CFAP20DC: variants seen among roughly 807,000 people sequenced by gnomAD.
CFAP20DC encodes protein CFAP20DC.
Under a neutral mutation model 101.7 loss-of-function variants are expected in CFAP20DC, and 84 were observed. That is an observed-to-expected ratio of 0.83 (90% CI 0.69 to 0.99). The LOEUF is 0.99. Ranked by LOEUF, CFAP20DC falls within the 50% of genes least tolerant of loss-of-function variation. The probability of loss-of-function intolerance (pLI) is 0.00; values close to 1 mark genes in which losing one functional copy is unlikely to be tolerated. For synonymous variants in CFAP20DC, 359 were observed against 351.2 expected (o/e 1.02, Z -0.25); for missense variants, 1,007 against 970.3 (o/e 1.04, Z -0.50).
intron 14 of CFAP20DC, among the ~76,000 whole-genome samples, chr3:58,821,394 A>G (rs1263127110): frequency 6.6e-6 from 1 of 152,200 alleles, no homozygotes; most frequent in Non-Finnish European, 1.5e-5. Flanking sequence ...CAACCTACTC[A>G]TCTGACAAAG....
intron 4 of CFAP20DC, among the ~76,000 whole-genome samples, chr3:58,946,029 T>C (rs2089307559): frequency 1.3e-5 from 2 of 151,876 alleles, no homozygotes; most frequent in African/African-American, 4.8e-5. Context: ...ATATCTATTT[T>C]TTTCCTTTGG....
chr3:58,995,975 A>ATCTATCT (rs1553760740), intron 4 of CFAP20DC, among the ~76,000 whole-genome samples: 4 of 145,160 alleles, frequency 2.8e-5, no homozygotes, highest in Non-Finnish European at 4.5e-5. Flanking sequence ...CTGTATAATA[A>ATCTATCT]ATCTATCTAT....
At chr3:58,886,647 G>A (rs2108673659) in intron 6 of CFAP20DC, among the ~76,000 whole-genome samples, 1 of 152,148 alleles carries the variant, frequency 6.6e-6, no homozygotes, top group African/African-American at 2.4e-5. Context: ...GGGCGGTGGA[G>A]GCTGCAGTGA....
At chr3:58,963,190 TTGTGTGTGTGTGTGTGTGTGTGTG>T (rs56234919) in intron 4 of CFAP20DC, among the ~76,000 whole-genome samples, 2,422 of 118,308 alleles carry the variant, frequency 0.02, 68 homozygotes, top group African/African-American at 0.069. Context: ...GTTCAGTAGT[TTGTGTGTGTGTGTGTGTGTGTGTG>T]TGTGTGTGTG....
In CFAP20DC at chr3:59,001,393, C is replaced by CCTCTCTCCCTCTCTCCTTCT. The variant is rs1256092841; in HGVS notation, c.278+38144_278+38163dup. ...CTTTGAAACAGTCTCTCCCTCTCTC[C>CCTCTCTCCCTCTCTCCTTCT]CTCTCTCCCTCTCTCCTTCTCTCTC... On this transcript the variant is annotated intron_variant, in intron 4 of 16. Coordinates refer to ENST00000482387, the MANE Select transcript of CFAP20DC (RefSeq NM_001394063.1). This position sits in a 1 kb window ranked among gnomAD's most constrained non-coding sequence, Gnocchi z 4.5. 6.6e-6 allele frequency among the ~76,000 whole-genome samples: 1 copy of CCTCTCTCCCTCTCTCCTTCT among 151,824 alleles called. No homozygotes were observed. The highest frequency in any genetic ancestry group is 1.5e-5 in the Non-Finnish European group (1 of 67,942).
intron 14 of CFAP20DC, among the ~76,000 whole-genome samples, chr3:58,827,428 G>T: frequency 9.2e-6 from 1 of 108,344 alleles, no homozygotes; most frequent in African/African-American, 3.6e-5. Context: ...GTTGGGTGGG[G>T]GGTGGGTAGC....
chr3:59,041,603 G>C (rs1699394520), intron 3 of CFAP20DC, among the ~76,000 whole-genome samples: 1 of 152,046 alleles, frequency 6.6e-6, no homozygotes, highest in Non-Finnish European at 1.5e-5. Context: ...AATTCTGTTA[G>C]TCAAAAATGT....
Position 58,864,249 on chromosome 3 carries a change from G to A in CFAP20DC, c.1259-357C>T, listed in dbSNP as rs115596810. ...TGGGATTACAGGCATGAGCCACCGC[G>A]CCTGGCCAAAAGTGTTATTTTAGGC... On this transcript the variant is annotated intron_variant, in intron 11 of 16. Transcript: ENST00000482387. The surrounding 1 kb of genome is among the most constrained non-coding windows in gnomAD (Gnocchi z 4.7). Among the ~76,000 whole-genome samples the A allele has an allele frequency of 2.7e-4, 41 of 152,288 alleles. No individual in the cohort carries two copies. The highest frequency in any genetic ancestry group is 1.0e-3 in the South Asian group (5 of 4,824).
chr3:58,954,133 A>G (rs2108098546), intron 4 of CFAP20DC, among the ~76,000 whole-genome samples: 1 of 152,294 alleles, frequency 6.6e-6, no homozygotes, highest in African/African-American at 2.4e-5. Flanking sequence ...AAGTAAAATT[A>G]CTTTTCAATT....
intron 14 of CFAP20DC, among the ~76,000 whole-genome samples, chr3:58,828,073 A>G (rs2076163515): frequency 6.6e-6 from 1 of 152,026 alleles, no homozygotes; most frequent in Non-Finnish European, 1.5e-5. Flanking sequence ...TACAGAATGG[A>G]GTGAAAGGTG....
chr3:58,921,592 C>T (rs2085379431), intron 5 of CFAP20DC, among the ~76,000 whole-genome samples: 1 of 152,112 alleles, frequency 6.6e-6, no homozygotes, highest in African/African-American at 2.4e-5. Context: ...CCTTATAGCA[C>T]AGGGCATCCT....
At chr3:58,726,333 C>T (rs990835281) in intron 3 of CFAP20DC, 1 of 152,284 alleles carries the variant, frequency 6.6e-6, no homozygotes, top group Non-Finnish European at 1.5e-5. Flanking sequence ...AAGCTGAATA[C>T]AATGAAAGTT....
chr3:58,854,219 T>G (rs1187911760), intron 12 of CFAP20DC, among the ~76,000 whole-genome samples: 1 of 151,546 alleles, frequency 6.6e-6, no homozygotes, highest in East Asian at 1.9e-4. Flanking sequence ...AAATCATGAG[T>G]GAACTCCCAT....
At chr3:58,857,141 C>G (rs2078901517) in intron 12 of CFAP20DC, among the ~76,000 whole-genome samples, 1 of 152,002 alleles carries the variant, frequency 6.6e-6, no homozygotes, top group African/African-American at 2.4e-5. Flanking sequence ...AGAAATGATA[C>G]CTAAAAAGTG....
chr3:58,890,844 G>A (rs1336866911), intron 6 of CFAP20DC, among the ~76,000 whole-genome samples: 7 of 149,380 alleles, frequency 4.7e-5, no homozygotes, highest in African/African-American at 1.3e-4. Context: ...GGGCAGAGAC[G>A]CTCCTCACTT....
rs2067473990 is a variant in CFAP20DC at position 58,721,583 on chromosome 3, G to A, written c.198-3955C>T. On this transcript the variant is annotated intron_variant, in intron 3 of 3. Coordinates refer to the CFAP20DC transcript ENST00000486145. The surrounding 1 kb of genome is among the most constrained non-coding windows in gnomAD (Gnocchi z 5.2). ...TAGCACCCAAGACCCCAGGGTAGGA[G>A]AGCCCAGGGGAAAGTAAAAGAACCC... Among the ~76,000 whole-genome samples the A allele has an allele frequency of 6.6e-6, 1 of 152,150 alleles. No individual in the cohort carries two copies. The highest frequency in any genetic ancestry group is 1.5e-5 in the Non-Finnish European group (1 of 68,020).
intron 4 of CFAP20DC, among the ~76,000 whole-genome samples, chr3:59,019,571 A>G (rs576558645): frequency 1.2e-4 from 19 of 152,112 alleles, no homozygotes; most frequent in African/African-American, 4.3e-4. Context: ...TGTAATATGA[A>G]CAAGAAATGA....
chr3:58,998,387 C>T (rs1467549805), intron 4 of CFAP20DC, among the ~76,000 whole-genome samples: 1 of 152,116 alleles, frequency 6.6e-6, no homozygotes, highest in Non-Finnish European at 1.5e-5. Flanking sequence ...TGGGTGATAA[C>T]AATATCAAAC....
intron 4 of CFAP20DC, among the ~76,000 whole-genome samples, chr3:59,026,607 G>A (rs1238824378): frequency 6.6e-6 from 1 of 152,202 alleles, no homozygotes; most frequent in Non-Finnish European, 1.5e-5. Flanking sequence ...CTCAACTCCA[G>A]TGGCTTTAAA....
Sources: gnomAD v4.1 joint callset for allele counts (sites outside exome capture counted in the v4.1 genomes callset) on GRCh38, gnomAD v4.1.1 for gene constraint, Gnocchi (gnomAD v3.1) non-coding constraint, MANE v1.5 for transcripts, NCBI Gene and HGNC (gene_info 2026-07-23, HGNC 2026-07-21) for gene names.